Variants in FBXW4 observed in about 807,000 individuals in gnomAD.
The protein encoded by FBXW4 is F-box/WD repeat-containing protein 4.
In FBXW4, 40 loss-of-function variants were observed where a neutral mutation model predicts 61.8. The ratio of observed to expected loss-of-function variants is 0.65; its 90% CI spans 0.50 to 0.84. The LOEUF (loss-of-function observed/expected upper bound fraction) is 0.84, where lower values mean the gene tolerates loss of function less well. Among genes scored for constraint, FBXW4 ranks in the 40% least tolerant of loss-of-function variants. FBXW4 has a pLI of 0.00. For synonymous variants in FBXW4, 311 were observed against 313.8 expected (o/e 0.99, Z 0.10); for missense variants, 672 against 753.8 (o/e 0.89, Z 1.27).
chr10:101,666,258 C>T (rs983109174), intron 5 of FBXW4, among the ~76,000 whole-genome samples: 6 of 152,246 alleles, frequency 3.9e-5, no homozygotes, highest in African/African-American at 9.6e-5. Flanking sequence ...ATAGGTTAGC[C>T]GACACCTCTG....
In FBXW4 at chr10:101,694,265, G is replaced by T. The variant is rs955344477; in HGVS notation, c.725+116C>A. ...GGGTGTAGGCGGAGGTCAGGTGTAGGCCTAGAAACTCGGGGTGCGACACGA... is the reference window on the plus strand; with the variant it reads ...GGGTGTAGGCGGAGGTCAGGTGTAGTCCTAGAAACTCGGGGTGCGACACGA... On this transcript the variant is annotated intron_variant, in intron 1 of 8. Transcript: ENST00000331272. This position sits in a 1 kb window ranked among gnomAD's most constrained non-coding sequence, Gnocchi z 6.0. 2.0e-5 allele frequency: 20 copies of T among 994,004 alleles called. No individual in the cohort carries two copies. The African/African-American group carries it at 3.2e-4, about 16-fold the overall frequency. 61.6% of individuals were successfully genotyped at this position (994,004 alleles called of 1,614,324 possible). A position where few individuals can be genotyped will look rare whatever the true frequency, so the allele number is the denominator to read the frequency against.
chr10:101,611,693 C>G lies in FBXW4; in HGVS notation c.1519G>C (p.Ala507Pro), dbSNP rs2063787205. ...ACACCGTAGTAGGAGGAACCTGTGG[C>G]CAGCAGGTGGTTGCCATCTGTCTGC... ...CLQTDGNHLL[A>P]TGSSYYGVVR... Residue 507 changes from alanine (A) to proline (P), a missense_variant, in exon 8 of 9, where the codon GCC becomes CCC. Ala to Pro is a conservative substitution (Grantham distance 27). Transcript: ENST00000331272. The surrounding 1 kb of genome is among the most constrained non-coding windows in gnomAD (Gnocchi z 4.9). 6.2e-7 allele frequency: 1 copy of G among 1,614,186 alleles called. No homozygotes were observed. The highest frequency in any genetic ancestry group is 8.5e-7 in the Non-Finnish European group (1 of 1,180,026).
chr10:101,650,596 C>T (rs1292518894), intron 5 of FBXW4, among the ~76,000 whole-genome samples: 1 of 152,206 alleles, frequency 6.6e-6, no homozygotes, highest in Non-Finnish European at 1.5e-5. Context: ...CAAGTGTGTG[C>T]TCGAGCATCC....
intron 5 of FBXW4, among the ~76,000 whole-genome samples, chr10:101,639,353 T>C (rs2064031424): frequency 2.0e-5 from 3 of 152,134 alleles, no homozygotes; most frequent in Admixed American, 1.3e-4. Context: ...TGACTAGTAA[T>C]AATGTGAGGG....
chr10:101,613,324 C>T (rs745429228), intron 6 of FBXW4, among the ~76,000 whole-genome samples: 7 of 152,320 alleles, frequency 4.6e-5, no homozygotes, highest in African/African-American at 9.6e-5. Context: ...CAAGTGCACC[C>T]GCTAATCCCT....
At chr10:101,636,075 C>T (rs538497207) in intron 5 of FBXW4, among the ~76,000 whole-genome samples, 12 of 151,940 alleles carry the variant, frequency 7.9e-5, no homozygotes, top group African/African-American at 2.7e-4. Context: ...TTAGGCCAGG[C>T]GTGGTGGTTC....
chr10:101,649,127 C>A (rs887815041), intron 5 of FBXW4, among the ~76,000 whole-genome samples: 18 of 152,092 alleles, frequency 1.2e-4, no homozygotes, highest in Non-Finnish European at 2.1e-4. Context: ...TGTAATGAAG[C>A]TAATAATGAA....
At chr10:101,638,209 T>C (rs1169176636) in intron 5 of FBXW4, among the ~76,000 whole-genome samples, 3 of 152,266 alleles carry the variant, frequency 2.0e-5, no homozygotes, top group African/African-American at 7.2e-5. Flanking sequence ...AACCTACGTG[T>C]CCATCAGTAG....
intron 1 of FBXW4, among the ~76,000 whole-genome samples, chr10:101,683,287 T>C (rs778272272): frequency 6.6e-6 from 1 of 152,216 alleles, no homozygotes; most frequent in Non-Finnish European, 1.5e-5. Flanking sequence ...AATAAATCTC[T>C]CCGTGGATGT....
Position 101,694,611 on chromosome 10 carries a change from C to T in FBXW4, c.495G>A (p.Glu165=), listed in dbSNP as rs1453382605. ...CCGACTCCCGAGCCGCCTCCTCCTC[C>T]TCCTCCTCCTCCCCGGCCGCCGCCG... ...AMAAAAGEEE[E]EEEAARESAA... is the part of the protein sequence containing the mutation. The change falls in exon 1 of 9, where the codon GAG becomes GAA. Residue 165 remains glutamate (E), a synonymous_variant. Coordinates refer to ENST00000331272, the MANE Select transcript of FBXW4 (RefSeq NM_022039.4). The surrounding 1 kb of genome is among the most constrained non-coding windows in gnomAD (Gnocchi z 6.0). The T allele has an allele frequency of 2.1e-6, 3 of 1,437,622 alleles. No homozygotes were observed. Among genetic ancestry groups the T allele is most frequent in the East Asian group, 2.9e-5 (1 of 34,146 alleles). 89.1% of individuals were successfully genotyped at this position (1,437,622 alleles called of 1,614,324 possible). A position where few individuals can be genotyped will look rare whatever the true frequency, so the allele number is the denominator to read the frequency against.
Position 101,611,472 on chromosome 10 carries a change from C to T in FBXW4, c.1585-62G>A. ...CAAGTGGGACATGGGTGTGCCCTAA[C>T]CCAGGATCCCCAGGCCCAGGGGAAG... On this transcript the variant is annotated intron_variant, in intron 8 of 8. Transcript: ENST00000331272. This position sits in a 1 kb window ranked among gnomAD's most constrained non-coding sequence, Gnocchi z 4.9. The T allele has an allele frequency of 6.3e-7, 1 of 1,577,674 alleles. No homozygotes were observed. Among genetic ancestry groups the T allele is most frequent in the Middle Eastern group, 1.7e-4 (1 of 5,898 alleles).
Position 101,695,122 on chromosome 10 carries a change from G to T in FBXW4, c.-17C>A, listed in dbSNP as rs1303627118. 1.0e-6 allele frequency: 1 copy of T among 985,368 alleles called. No homozygotes were observed. 61.0% of individuals were successfully genotyped at this position (985,368 alleles called of 1,614,324 possible). The stretch of plus-strand genomic sequence containing the variant: ...GCTGCCCATGAGCGGCCGCGGGGCC[G>T]GCCCGACGCGGAGCCCAGCCCGAGC... On this transcript the variant is annotated 5_prime_UTR_variant, in exon 1 of 9. Coordinates refer to ENST00000331272, the MANE Select transcript of FBXW4 (RefSeq NM_022039.4). This position sits in a 1 kb window ranked among gnomAD's most constrained non-coding sequence, Gnocchi z 4.2.
At chr10:101,691,079 G>A (rs866438112) in intron 1 of FBXW4, among the ~76,000 whole-genome samples, 9 of 152,116 alleles carry the variant, frequency 5.9e-5, no homozygotes, top group Admixed American at 2.6e-4. Context: ...GTGAGGTTAT[G>A]TGGCTTCTGG....
chr10:101,665,846 G>A (rs77625076), intron 5 of FBXW4, among the ~76,000 whole-genome samples: 2,297 of 152,248 alleles, frequency 0.015, 50 homozygotes, highest in African/African-American at 0.053. Flanking sequence ...TGTTGGGTAG[G>A]GATGCAGGGC....
intron 5 of FBXW4, among the ~76,000 whole-genome samples, chr10:101,640,713 G>A (rs2064044538): frequency 6.7e-6 from 1 of 148,766 alleles, no homozygotes; most frequent in South Asian, 2.1e-4. Flanking sequence ...GTCTCAAATG[G>A]TCTCAAACTC....
intron 1 of FBXW4, among the ~76,000 whole-genome samples, chr10:101,687,886 C>T (rs544274935): frequency 6.6e-6 from 1 of 152,310 alleles, no homozygotes; most frequent in South Asian, 2.1e-4. Flanking sequence ...CCTTCAGCCT[C>T]TCAGCTGAGA....
chr10:101,657,578 G>A (rs1297636650), intron 5 of FBXW4, among the ~76,000 whole-genome samples: 8 of 137,642 alleles, frequency 5.8e-5, no homozygotes, highest in African/African-American at 1.9e-4. Flanking sequence ...AAGTTGCAGT[G>A]AGCTGAGATC....
intron 4 of FBXW4, among the ~76,000 whole-genome samples, chr10:101,672,229 C>T (rs2064364582): frequency 6.6e-6 from 1 of 152,244 alleles, no homozygotes; most frequent in Non-Finnish European, 1.5e-5. Context: ...AAGGACCAGG[C>T]CTGTGCAGGC....
chr10:101,633,605 A>T (rs1471478894), intron 5 of FBXW4, among the ~76,000 whole-genome samples: 1 of 152,190 alleles, frequency 6.6e-6, no homozygotes, highest in Non-Finnish European at 1.5e-5. Flanking sequence ...ATAAAAAAAG[A>T]TTATATGGGA....
Sources: gnomAD v4.1 joint callset for allele counts (sites outside exome capture counted in the v4.1 genomes callset) on GRCh38, gnomAD v4.1.1 for gene constraint, Gnocchi (gnomAD v3.1) non-coding constraint, MANE v1.5 for transcripts, NCBI Gene and HGNC (gene_info 2026-07-23, HGNC 2026-07-21) for gene names.